BBS9: variants seen among roughly 807,000 people sequenced by gnomAD.
BBS9 encodes the protein Bardet-Biedl syndrome 9.
A neutral mutation model predicts 117.7 loss-of-function variants in BBS9; 89 were observed. That is an observed-to-expected ratio of 0.76 (90% CI 0.64 to 0.90). The LOEUF (loss-of-function observed/expected upper bound fraction) is 0.90, where lower values mean the gene tolerates loss of function less well. Ranked by LOEUF, BBS9 falls within the 40% of genes least tolerant of loss-of-function variation. The probability of loss-of-function intolerance (pLI) is 0.00; values close to 1 mark genes in which losing one functional copy is unlikely to be tolerated. For missense variants in BBS9, 982 were observed against 1,042.2 expected (o/e 0.94, Z 0.80); for synonymous variants, 379 against 370.9 (o/e 1.02, Z -0.25).
chr7:33,492,063 C>T (rs746560907), intron 19 of BBS9, among the ~76,000 whole-genome samples: 12 of 151,472 alleles, frequency 7.9e-5, no homozygotes, highest in African/African-American at 2.2e-4. Flanking sequence ...ATTAGCTGGG[C>T]GTGGTGGCGA....
intron 9 of BBS9, among the ~76,000 whole-genome samples, chr7:33,304,177 G>A (rs1163716260): frequency 1.3e-5 from 2 of 151,158 alleles, no homozygotes; most frequent in Non-Finnish European, 3.0e-5. Context: ...TAGGAAGTGA[G>A]GAGCGTTTCT....
At chr7:33,496,232 G>T (rs1017508083) in intron 19 of BBS9, among the ~76,000 whole-genome samples, 4 of 152,154 alleles carry the variant, frequency 2.6e-5, no homozygotes, top group African/African-American at 9.7e-5. Flanking sequence ...TGGGCCAGGC[G>T]TGGTGGCTCT....
intron 19 of BBS9, among the ~76,000 whole-genome samples, chr7:33,442,439 CAAG>C (rs1190262336): frequency 2.0e-5 from 3 of 152,210 alleles, no homozygotes; most frequent in Non-Finnish European, 4.4e-5. Flanking sequence ...TAAATGTTCT[CAAG>C]AAAGTATCAG....
At chr7:33,293,053 C>T (rs1295409194) in intron 9 of BBS9, among the ~76,000 whole-genome samples, 7 of 151,450 alleles carry the variant, frequency 4.6e-5, no homozygotes, top group Non-Finnish European at 1.0e-4. Flanking sequence ...AAATTATTAG[C>T]GTTGACCTCA....
chr7:33,387,897 T>C lies in BBS9; in HGVS notation c.1963-95T>C, dbSNP rs1296083682. On this transcript the variant is annotated intron_variant, in intron 18 of 22. Coordinates refer to ENST00000242067, the MANE Select transcript of BBS9 (RefSeq NM_198428.3). ...TCTATAATGCATTTAAATTTCTTCA[T>C]TACTCTTTTACTTTTATTATCATTG... 8.6e-6 allele frequency: 12 copies of C among 1,396,042 alleles called. No homozygotes were observed. The Admixed American group carries it at 2.1e-4, about 24-fold the overall frequency. 86.5% of individuals were successfully genotyped at this position (1,396,042 alleles called of 1,614,324 possible).
At chr7:33,517,249 T>C (rs111667042) in intron 20 of BBS9, among the ~76,000 whole-genome samples, 3,396 of 151,998 alleles carry the variant, frequency 0.022, 56 homozygotes, top group East Asian at 0.055. Context: ...TTTCATATGT[T>C]ATTTCATTTA....
intron 11 of BBS9, among the ~76,000 whole-genome samples, chr7:33,341,829 A>G (rs1816629604): frequency 6.6e-6 from 1 of 152,126 alleles, no homozygotes; most frequent in Non-Finnish European, 1.5e-5. Flanking sequence ...ATATTACTTC[A>G]TCTCCTCACT....
chr7:33,349,289 T>C, intron 13 of BBS9, 119 bp downstream of exon 13: 1 of 757,576 alleles, frequency 1.3e-6, no homozygotes, highest in Non-Finnish European at 2.3e-6. Context: ...CGTCCCAAAA[T>C]CAATGATTGT....
chr7:33,227,316 T>G (rs551344077), intron 5 of BBS9, among the ~76,000 whole-genome samples: 1 of 152,100 alleles, frequency 6.6e-6, no homozygotes, highest in East Asian at 1.9e-4. Context: ...CCTGGCTAAT[T>G]TTTGTATTTT....
intron 21 of BBS9, among the ~76,000 whole-genome samples, chr7:33,580,996 T>C (rs1337025380): frequency 1.3e-5 from 2 of 152,250 alleles, no homozygotes; most frequent in Admixed American, 1.3e-4. Flanking sequence ...AGCTGTGTTA[T>C]ACAGCCAGTC....
At chr7:33,324,654 C>T (rs891945073) in intron 9 of BBS9, among the ~76,000 whole-genome samples, 2 of 150,466 alleles carry the variant, frequency 1.3e-5, no homozygotes, top group South Asian at 2.1e-4. Context: ...TCTTGTAGGG[C>T]AGGTCTAGTG....
intron 19 of BBS9, among the ~76,000 whole-genome samples, chr7:33,472,038 A>G (rs1860600): frequency 0.78 from 118,365 of 152,132 alleles, 46,883 homozygotes; most frequent in African/African-American, 0.93. Context: ...TCCTCTTAGG[A>G]CCTTTTGACT....
chr7:33,563,129 G>A (rs559311237), intron 21 of BBS9, among the ~76,000 whole-genome samples: 1 of 152,226 alleles, frequency 6.6e-6, no homozygotes, highest in South Asian at 2.1e-4. Flanking sequence ...CAGAAGTACT[G>A]TCAAAACAGT....
At chr7:33,531,113 C>T (rs977794558) in intron 20 of BBS9, among the ~76,000 whole-genome samples, 13 of 152,132 alleles carry the variant, frequency 8.5e-5, no homozygotes, top group African/African-American at 3.1e-4. Flanking sequence ...GATGTGGTGA[C>T]ACCCGCCTGT....
chr7:33,370,064 T>C (rs1257508855), intron 17 of BBS9, among the ~76,000 whole-genome samples: 2 of 152,188 alleles, frequency 1.3e-5, no homozygotes, highest in African/African-American at 4.8e-5. Flanking sequence ...TGATTCAGTA[T>C]AGACCAGTCA....
At chr7:33,332,140 A>G (rs533663140) in intron 9 of BBS9, among the ~76,000 whole-genome samples, 1 of 148,700 alleles carries the variant, frequency 6.7e-6, no homozygotes, top group African/African-American at 2.4e-5. Context: ...GAACCCAGAA[A>G]TAAAGCCAGA....
intron 3 of BBS9, among the ~76,000 whole-genome samples, chr7:33,154,077 A>G (rs1793746559): frequency 6.6e-6 from 1 of 152,202 alleles, no homozygotes; most frequent in Non-Finnish European, 1.5e-5. Flanking sequence ...AGTAGATAGT[A>G]TACTAGGCCT....
At chr7:33,588,002 A>G (rs554938794) in intron 21 of BBS9, among the ~76,000 whole-genome samples, 24 of 152,220 alleles carry the variant, frequency 1.6e-4, no homozygotes, top group African/African-American at 5.8e-4. Context: ...AAATTTCCCA[A>G]GCAGACAGAT....
intron 21 of BBS9, among the ~76,000 whole-genome samples, chr7:33,547,433 G>T (rs1261046644): frequency 6.6e-6 from 1 of 152,130 alleles, no homozygotes; most frequent in Non-Finnish European, 1.5e-5. Flanking sequence ...CTTTTGGGAG[G>T]CAGAAAGAAT....
Sources: allele counts gnomAD v4.1 joint callset (sites outside exome capture counted in the v4.1 genomes callset), GRCh38; gene constraint gnomAD v4.1.1; transcripts MANE v1.5; gene names NCBI Gene and HGNC (gene_info 2026-07-23, HGNC 2026-07-21).